Variants in RIF1 observed in about 807,000 individuals in gnomAD.
RIF1 encodes replication timing regulatory factor 1, also known as telomere-associated protein RIF1.
A neutral mutation model predicts 247.1 loss-of-function variants in RIF1; 45 were observed. The observed-to-expected ratio is 0.18, with a 90% CI of 0.14 to 0.23. RIF1 has a LOEUF of 0.23. RIF1 is among the 10% of genes least tolerant of loss of function. RIF1 has a pLI of 1.00. For missense variants in RIF1, 2,967 were observed against 2,862.5 expected, an observed-to-expected ratio of 1.04 and a Z score of -0.83; for synonymous variants, 1,087 against 978.8, an observed-to-expected ratio of 1.11 and a Z score of -2.06.
At chr2:151,508,127 G>T (rs1489298346), downstream of RIF1, 7 of 1,550,224 alleles carry the variant, frequency 4.5e-6, no homozygotes, top group Non-Finnish European at 6.2e-6. Flanking sequence ...TAGATTCCAA[G>T]AAATAAGGAG....
chr2:151,460,208 A>G (rs1158135130), intron 26 of RIF1, 89 bp downstream of exon 26: 3 of 1,054,904 alleles, frequency 2.8e-6, no homozygotes, highest in African/African-American at 1.7e-5. Context: ...AAGAACTATA[A>G]AAGACTAAAT....
Position 151,492,333 on chromosome 2 carries a change from C to T in RIF1, c.*416-2896C>T, listed in dbSNP as rs2288194. 1.6e-3 allele frequency: 2,598 copies of T among 1,591,796 alleles called. 37 individuals carry two copies. The East Asian group carries it at 0.032, about 20-fold the overall frequency. ...AAAATATGATGGTGTGACTATATCC[C>T]TTTTTACACATTCTGACAGGCAGCC... On this transcript the variant is annotated intron_variant and NMD_transcript_variant, in intron 9 of 13. Coordinates refer to the RIF1 transcript ENST00000454583.
chr2:151,495,267 T>C (rs1402724110), exon 10 of RIF1: 2 of 152,166 alleles, frequency 1.3e-5, no homozygotes, highest in African/African-American at 4.8e-5. Context: ...GGAAATGACA[T>C]TGAAGAGGAA....
the RIF1 span, chr2:151,525,279 T>C: frequency 1.3e-6 from 2 of 1,590,194 alleles, no homozygotes; most frequent in Non-Finnish European, 1.7e-6. Flanking sequence ...TTTGTCTAAA[T>C]AGAGCCAGAA....
At chr2:151,505,612 C>G (rs750311680) in intron 12 of RIF1, 1 of 1,473,068 alleles carries the variant, frequency 6.8e-7, no homozygotes, top group Non-Finnish European at 9.5e-7. Flanking sequence ...TTATTACATG[C>G]TGGACTGTTA....
chr2:151,464,414 G>C lies in RIF1; in HGVS notation c.4894G>C (p.Asp1632His). The change falls in exon 30 of 36, where the codon GAT (aspartate) becomes CAT (histidine). Residue 1632 changes from aspartate (D) to histidine (H), a missense_variant. Physicochemically the swap from Asp to His is moderately conservative, Grantham distance 81. This residue lies in a region of RIF1 where 2,028 missense variants were observed against 1,825.6 expected (regional missense o/e 1.11). Transcript: ENST00000444746. ...QDESNTVICQ[D>H]STVTSDLLQV... is the part of the protein sequence containing the mutation. Reference sequence around the variant, plus strand: ...TGAAAGTAATACTGTAATATGTCAGGATTCTACAGTAACTTCAGATTTGTT... The same window carrying C: ...TGAAAGTAATACTGTAATATGTCAGCATTCTACAGTAACTTCAGATTTGTT... 6.2e-7 allele frequency: 1 copy of C among 1,613,270 alleles called. No homozygotes were observed.
intron 24 of RIF1, among the ~76,000 whole-genome samples, chr2:151,458,204 CAAG>C (rs1454559463): frequency 7.0e-6 from 1 of 142,742 alleles, no homozygotes; most frequent in African/African-American, 2.6e-5. Context: ...ATAAAAGAGA[CAAG>C]GAGGACAGGA....
chr2:151,458,032 T>A (rs955990822), intron 24 of RIF1, 69 bp downstream of exon 24: 7 of 1,079,116 alleles, frequency 6.5e-6, no homozygotes, highest in Non-Finnish European at 9.3e-6. Flanking sequence ...ATACTTTGAT[T>A]CAAATAATCT....
chr2:151,506,689 TTAAAAA>T (rs924248308), intron 13 of RIF1, among the ~76,000 whole-genome samples: 1 of 152,166 alleles, frequency 6.6e-6, no homozygotes, highest in Non-Finnish European at 1.5e-5. Flanking sequence ...ATTAAAAAAT[TTAAAAA>T]TAAAAGTTAC....
At chr2:151,437,407 T>C (rs1469516011) in intron 13 of RIF1, 56 bp downstream of exon 13, 16 of 1,376,564 alleles carry the variant, frequency 1.2e-5, no homozygotes, top group Non-Finnish European at 1.6e-5. Context: ...GAAGAAAAAA[T>C]AGGCCAGTCA....
Position 151,457,901 on chromosome 2 carries a change from T to C in RIF1, c.2793T>C (p.Ser931=). The change falls in exon 24 of 36, where the codon AGT becomes AGC. Residue 931 remains serine (S), a synonymous_variant. Transcript: ENST00000444746. ...LHKNKQIRKQ[S]AQFWNATFAK... Reference sequence around the variant, plus strand: ...AGAATAAACAGATTCGAAAACAGAGTGCTCAGTTCTGGAATGCCACTTTTG... The same window carrying C: ...AGAATAAACAGATTCGAAAACAGAGCGCTCAGTTCTGGAATGCCACTTTTG... The C allele has an allele frequency of 6.2e-7, 1 of 1,613,844 alleles. No individual in the cohort carries two copies. Among genetic ancestry groups the C allele is most frequent in the Non-Finnish European group, 8.5e-7 (1 of 1,179,902 alleles).
chr2:151,433,893 C>T (rs79988505), intron 10 of RIF1, among the ~76,000 whole-genome samples: 6 of 151,924 alleles, frequency 3.9e-5, no homozygotes, highest in Admixed American at 2.0e-4. Context: ...AGAAATCAGC[C>T]GGGCGCGGTG....
At position 151,464,445 on chromosome 2, in the gene RIF1, T is replaced by C; in HGVS notation, c.4925T>C (p.Val1642Ala). ...ACAGTAACTTCAGATTTGTTGCAAG[T>C]TCCTGATGATTTACCAAATGTGTGT... ...DSTVTSDLLQVPDDLPNVCEE... is the reference protein window; with the variant it reads ...DSTVTSDLLQAPDDLPNVCEE... Residue 1642 changes from valine to alanine, a missense_variant, in exon 30 of 36, where the codon GTT becomes GCT. Val to Ala is a moderately conservative substitution (Grantham distance 64). Transcript: ENST00000444746. The C allele has an allele frequency of 6.2e-7, 1 of 1,613,652 alleles. No individual in the cohort carries two copies. The highest frequency in any genetic ancestry group is 8.5e-7 in the Non-Finnish European group (1 of 1,179,880).
downstream of RIF1, chr2:151,485,508 G>GAAAT: frequency 2.9e-6 from 1 of 342,310 alleles, no homozygotes; most frequent in Non-Finnish European, 5.2e-6. Context: ...TTTTAGAAAA[G>GAAAT]AAATAATGTT....
At chr2:151,431,736 C>G (rs529736337) in intron 9 of RIF1, among the ~76,000 whole-genome samples, 1 of 152,206 alleles carries the variant, frequency 6.6e-6, no homozygotes, top group South Asian at 2.1e-4. Context: ...CGAGATCATG[C>G]CATTGCACTC....
Position 151,464,649 on chromosome 2 carries a change from A to T in RIF1, c.5129A>T (p.Glu1710Val), listed in dbSNP as rs201874472. Residue 1710 changes from glutamate (E) to valine (V), a missense_variant, in exon 30 of 36, where the codon GAA becomes GTA. By Grantham distance (121) the Glu-to-Val change is moderately radical (BLOSUM62 -2). This residue lies in a region of RIF1 where 2,028 missense variants were observed against 1,825.6 expected (regional missense o/e 1.11). Coordinates refer to ENST00000444746, the MANE Select transcript of RIF1 (RefSeq NM_018151.5). The part of the protein sequence containing the change: ...IGISDISSLS[E>V]KTFQTLECQH... ...ATATCAGATATTTCTTCGCTTTCAGAAAAAACTTTTCAAACACTTGAATGC... is the reference window on the plus strand; with the variant it reads ...ATATCAGATATTTCTTCGCTTTCAGTAAAAACTTTTCAAACACTTGAATGC... 2 of 1,613,472 alleles carry T rather than the reference A, an allele frequency of 1.2e-6. No individual in the cohort carries two copies. Among genetic ancestry groups the T allele is most frequent in the East Asian group, 4.5e-5 (2 of 44,862 alleles).
chr2:151,501,514 C>A, intron 11 of RIF1: 1 of 1,269,164 alleles, frequency 7.9e-7, no homozygotes, highest in South Asian at 2.0e-5. Context: ...AACAAATCAA[C>A]CTGGACCCAT....
At position 151,410,032 on chromosome 2, in the gene RIF1, A is replaced by G. The variant is rs1024593594; in HGVS notation, c.-12A>G. 1 of 702,742 alleles carries G rather than the reference A, an allele frequency of 1.4e-6. No individual in the cohort carries two copies. Among genetic ancestry groups the G allele is most frequent in the Admixed American group, 2.0e-5 (1 of 49,994 alleles). The allele number at this position is 702,742 out of a possible 1,614,324, so 43.5% of individuals were successfully genotyped here. On this transcript the variant is annotated splice_region_variant and 5_prime_UTR_variant, in exon 1 of 36. Coordinates refer to ENST00000444746, the MANE Select transcript of RIF1 (RefSeq NM_018151.5). ...GAGAGAACCCTGTCCTGATCTTCCT[A>G]GGTGGGATAAATATCGGGGTGACAG... is the stretch of plus-strand genomic sequence containing the variant.
At chr2:151,455,356 C>T (rs1451694685) in intron 22 of RIF1, among the ~76,000 whole-genome samples, 197 bp downstream of exon 22, 1 of 152,086 alleles carries the variant, frequency 6.6e-6, no homozygotes, top group Non-Finnish European at 1.5e-5. Flanking sequence ...GTCTATTTTG[C>T]CTGTTACTTC....
Sources: gnomAD v4.1 joint callset for allele counts (sites outside exome capture counted in the v4.1 genomes callset) on GRCh38, gnomAD v4.1.1 for gene constraint, gnomAD v4.1.1 regional missense constraint, MANE v1.5 for transcripts, NCBI Gene and HGNC (gene_info 2026-07-23, HGNC 2026-07-21) for gene names.